DENND2B: variants seen among roughly 807,000 people sequenced by gnomAD.
The protein encoded by DENND2B is DENN domain-containing protein 2B.
A neutral mutation model predicts 116.0 loss-of-function variants in DENND2B; 32 were observed. The ratio of observed to expected loss-of-function variants is 0.28; its 90% CI spans 0.21 to 0.37. The LOEUF is 0.37. DENND2B is among the 10% of genes least tolerant of loss of function. The pLI is 1.00. For synonymous variants in DENND2B, 588 were observed against 583.9 expected, an observed-to-expected ratio of 1.01 and a Z score of -0.10; for missense variants, 1,276 against 1,477.7, an observed-to-expected ratio of 0.86 and a Z score of 2.24.
chr11:8,804,563 G>A (rs867955408), intron 1 of DENND2B, among the ~76,000 whole-genome samples: 1 of 21,952 alleles, frequency 4.6e-5, no homozygotes, highest in Non-Finnish European at 1.0e-4. Context: ...TTTTTTTTTT[G>A]AGACGAAGTC....
intron 1 of DENND2B, among the ~76,000 whole-genome samples, chr11:8,790,769 A>T (rs2059312844): frequency 6.6e-6 from 1 of 152,198 alleles, no homozygotes; most frequent in Admixed American, 6.5e-5. Flanking sequence ...GAAAGAGAGC[A>T]GTCTCAAAGA....
intron 1 of DENND2B, among the ~76,000 whole-genome samples, chr11:8,766,146 GTC>G (rs1698851407): frequency 6.6e-6 from 1 of 152,132 alleles, no homozygotes; most frequent in African/African-American, 2.4e-5. Flanking sequence ...AAGTTTGGGA[GTC>G]TCTGCAGCAG....
At chr11:8,733,237 A>C (rs1422295360) in intron 2 of DENND2B, among the ~76,000 whole-genome samples, 3 of 152,158 alleles carry the variant, frequency 2.0e-5, no homozygotes, top group African/African-American at 4.8e-5. Flanking sequence ...GGGAGATCCC[A>C]ACTTCCTCAC....
At chr11:8,853,082 G>C (rs947464286) in intron 3 of DENND2B, among the ~76,000 whole-genome samples, 4 of 152,152 alleles carry the variant, frequency 2.6e-5, no homozygotes, top group Admixed American at 1.3e-4. Flanking sequence ...AAGAAGCTTC[G>C]GCCAGGCGCG....
chr11:8,752,322 G>A (rs142715491), intron 1 of DENND2B, among the ~76,000 whole-genome samples: 5,498 of 152,056 alleles, frequency 0.036, 162 homozygotes, highest in African/African-American at 0.077. Flanking sequence ...TGTGGTGGCA[G>A]GCAGCTGTAA....
chr11:8,900,368 C>G (rs2134757649), intron 1 of DENND2B, among the ~76,000 whole-genome samples: 1 of 145,192 alleles, frequency 6.9e-6, no homozygotes, highest in Middle Eastern at 3.7e-3. Flanking sequence ...GGAGGTGGAG[C>G]TTGCAGTGCC....
chr11:8,723,705 C>T (rs2046586631), intron 4 of DENND2B, among the ~76,000 whole-genome samples: 1 of 152,174 alleles, frequency 6.6e-6, no homozygotes, highest in Admixed American at 6.5e-5. Flanking sequence ...TCTGATGCCC[C>T]TAGCTCTTGA....
intron 3 of DENND2B, among the ~76,000 whole-genome samples, chr11:8,844,722 T>C (rs1340787066): frequency 1.2e-5 from 1 of 84,294 alleles, no homozygotes; most frequent in Non-Finnish European, 2.6e-5. Flanking sequence ...ATAACCTCAA[T>C]TTTTTATTCT....
intron 2 of DENND2B, among the ~76,000 whole-genome samples, chr11:8,870,120 C>T (rs1304513652): frequency 6.6e-6 from 1 of 152,152 alleles, no homozygotes; most frequent in African/African-American, 2.4e-5. Context: ...ACCCTGCTAT[C>T]CAAACAGCAG....
chr11:8,758,253 G>T (rs972297350), intron 1 of DENND2B, among the ~76,000 whole-genome samples: 1 of 152,146 alleles, frequency 6.6e-6, no homozygotes, highest in African/African-American at 2.4e-5. Context: ...GCAACTAAAA[G>T]ATGGCACTCA....
upstream of DENND2B, chr11:8,810,863 A>T (rs916353736): frequency 2.6e-5 from 4 of 153,800 alleles, no homozygotes; most frequent in Non-Finnish European, 5.6e-5. Context: ...CTTCCATGAA[A>T]CAGCACTGTC....
chr11:8,699,374 A>G lies in DENND2B; in HGVS notation c.2737T>C (p.Ser913Pro). The G allele has an allele frequency of 6.2e-7, 1 of 1,604,298 alleles. No individual in the cohort carries two copies. Among genetic ancestry groups the G allele is most frequent in the Non-Finnish European group, 8.5e-7 (1 of 1,177,614 alleles). The change falls in exon 15 of 20, where the codon TCC becomes CCC. Residue 913 changes from serine to proline, a missense_variant. This residue lies in a region of DENND2B where 420 missense variants were observed against 631.1 expected (regional missense o/e 0.67). Coordinates refer to ENST00000313726, the MANE Select transcript of DENND2B (RefSeq NM_213618.2). ...ADKLSTLSSC[S>P]HAVVALLYPF... ...TAGAGCAAGGCCACCACCGCGTGGG[A>G]GCAGCTGGAGAGGGTACTGATGGGC... is the stretch of plus-strand genomic sequence containing the variant.
intron 2 of DENND2B, among the ~76,000 whole-genome samples, chr11:8,737,691 CCT>C (rs2049325615): frequency 6.6e-6 from 1 of 151,406 alleles, no homozygotes; most frequent in Non-Finnish European, 1.5e-5. Flanking sequence ...CTCTCTCTCT[CCT>C]TCCTTCCTCC....
chr11:8,887,726 C>G lies in DENND2B; in HGVS notation c.-255-6617G>C, dbSNP rs148001684. On this transcript the variant is annotated intron_variant, in intron 1 of 22. Coordinates refer to the DENND2B transcript ENST00000534127. ...AGTCTTGCCTGGTCACAAAGGGGAG[C>G]AAAACTTCCCTAATCAAAGGAATAA... 1.9e-3 allele frequency among the ~76,000 whole-genome samples: 287 copies of G among 152,250 alleles called. 2 individuals carry two copies. The highest frequency in any genetic ancestry group is 6.0e-3 in the African/African-American group (248 of 41,550).
rs977314070 is a variant in DENND2B, at chr11:8,766,891, C to T, written c.-25-16166G>A. Among the ~76,000 whole-genome samples the T allele has an allele frequency of 2.0e-5, 3 of 152,150 alleles. No homozygotes were observed. The East Asian group carries it at 5.8e-4, about 29-fold the overall frequency. ...TTTCCCTGGTAATGAAGGGCAGTGA[C>T]TCAGAAAAGGAAAGGCAAGCCTCTG... On this transcript the variant is annotated intron_variant, in intron 1 of 19. Coordinates refer to ENST00000313726, the MANE Select transcript of DENND2B (RefSeq NM_213618.2).
intron 1 of DENND2B, among the ~76,000 whole-genome samples, chr11:8,798,191 C>A (rs1049705087): frequency 6.6e-6 from 1 of 152,174 alleles, no homozygotes; most frequent in African/African-American, 2.4e-5. Context: ...AGCTCCATGA[C>A]AACAAGGACT....
At chr11:8,718,850 C>T (rs2045606275) in intron 4 of DENND2B, 3 of 996,432 alleles carry the variant, frequency 3.0e-6, no homozygotes, top group Non-Finnish European at 3.6e-6. Flanking sequence ...TGCCCCCACC[C>T]CTCCAACACA....
chr11:8,774,862 C>T (rs374566924), intron 1 of DENND2B, among the ~76,000 whole-genome samples: 40 of 147,078 alleles, frequency 2.7e-4, no homozygotes, highest in African/African-American at 5.3e-4. Flanking sequence ...TTATTTTTTT[C>T]GTTTTTTTTT....
At chr11:8,839,624 A>G (rs1018333448) in intron 3 of DENND2B, among the ~76,000 whole-genome samples, 6 of 152,152 alleles carry the variant, frequency 3.9e-5, no homozygotes, top group Non-Finnish European at 8.8e-5. Flanking sequence ...CCCCCTCCCC[A>G]GTGACCCCTC....
Sources: gnomAD v4.1 joint callset for allele counts (sites outside exome capture counted in the v4.1 genomes callset) on GRCh38, gnomAD v4.1.1 for gene constraint, gnomAD v4.1.1 regional missense constraint, MANE v1.5 for transcripts, NCBI Gene and HGNC (gene_info 2026-07-23, HGNC 2026-07-21) for gene names.